Variants in TAF4B observed in about 807,000 individuals in gnomAD.
TAF4B encodes the protein transcription initiation factor TFIID subunit 4B.
A neutral mutation model predicts 86.4 loss-of-function variants in TAF4B; 38 were observed. The ratio of observed to expected loss-of-function variants is 0.44; its 90% CI spans 0.34 to 0.58. The LOEUF is 0.58. Ranked by LOEUF, TAF4B falls within the 20% of genes least tolerant of loss-of-function variation. The pLI, the probability that TAF4B is intolerant of heterozygous loss-of-function variation, is 0.02. For synonymous variants in TAF4B, 388 were observed against 391.2 expected (o/e 0.99, Z 0.10); for missense variants, 988 against 1,027.6 (o/e 0.96, Z 0.53).
chr18:26,321,050 G>T lies in TAF4B; in HGVS notation c.2003-20G>T. 6.2e-7 allele frequency: 1 copy of T among 1,613,150 alleles called. No individual in the cohort carries two copies. Among genetic ancestry groups the T allele is most frequent in the Non-Finnish European group, 8.5e-7 (1 of 1,179,400 alleles). On this transcript the variant is annotated intron_variant, in intron 10 of 14. Transcript: ENST00000269142. ...TCAGCCACTACTAAAACACGTAATG[G>T]ATTTTCTCTGCTTCTGCAGGTAAAA... is the stretch of plus-strand genomic sequence containing the variant.
In TAF4B at chr18:26,310,756, C is replaced by A. The variant is rs72880186; in HGVS notation, c.1833-4473C>A. On this transcript the variant is annotated intron_variant, in intron 9 of 14. Coordinates refer to ENST00000269142, the MANE Select transcript of TAF4B (RefSeq NM_005640.3). The stretch of plus-strand genomic sequence containing the variant: ...GGGTTCCCCTGACTTCTTTATCCCC[C>A]CTATTACCCAGGTTCCCAGCCTAGA... 9.2e-5 allele frequency among the ~76,000 whole-genome samples: 14 copies of A among 152,172 alleles called. No homozygotes were observed. In the South Asian group the frequency reaches 2.5e-3, roughly 27 times the overall value.
Position 26,269,103 on chromosome 18 carries a change from T to C in TAF4B, c.597+1480T>C, listed in dbSNP as rs147744561. On this transcript the variant is annotated intron_variant, in intron 3 of 14. Coordinates refer to ENST00000269142, the MANE Select transcript of TAF4B (RefSeq NM_005640.3). ...TCCCAAAGTCCTGGGATTACAGGCA[T>C]GAGCCACCGCACCCGACTCTTAGTG... is the stretch of plus-strand genomic sequence containing the variant. Among the ~76,000 whole-genome samples, 93 of 152,320 alleles carry C rather than the reference T, an allele frequency of 6.1e-4. No individual in the cohort carries two copies. The East Asian group carries it at 0.017, about 28-fold the overall frequency.
At chr18:26,237,999 A>G (rs975352838) in intron 1 of TAF4B, among the ~76,000 whole-genome samples, 10 of 152,188 alleles carry the variant, frequency 6.6e-5, no homozygotes, top group Non-Finnish European at 2.9e-5. Context: ...CCTGCTGTTC[A>G]GAATAGTTGT....
At chr18:26,301,330 A>G (rs1268661444) in intron 9 of TAF4B, among the ~76,000 whole-genome samples, 1 of 149,756 alleles carries the variant, frequency 6.7e-6, no homozygotes, top group Non-Finnish European at 1.5e-5. Context: ...TCTGTTGCCC[A>G]GGCTGAAGTA....
intron 6 of TAF4B, among the ~76,000 whole-genome samples, chr18:26,282,329 C>T (rs2056460662): frequency 6.6e-6 from 1 of 152,104 alleles, no homozygotes; most frequent in African/African-American, 2.4e-5. Context: ...AGACATACCA[C>T]AGAGGTACTG....
intron 8 of TAF4B, among the ~76,000 whole-genome samples, chr18:26,292,827 A>G (rs1011928498): frequency 1.3e-5 from 2 of 152,178 alleles, no homozygotes; most frequent in Admixed American, 1.3e-4. Flanking sequence ...GTGCCCAGCT[A>G]TGATCACATT....
At chr18:26,367,000 C>G (rs540104796) in intron 14 of TAF4B, among the ~76,000 whole-genome samples, 2 of 152,204 alleles carry the variant, frequency 1.3e-5, no homozygotes, top group South Asian at 4.2e-4. Flanking sequence ...CCCCAAAGTT[C>G]TATAATTAGT....
intron 14 of TAF4B, among the ~76,000 whole-genome samples, chr18:26,374,435 ATGTTGTACCTGTC>A (rs1555626468): frequency 6.6e-6 from 1 of 152,140 alleles, no homozygotes; most frequent in Non-Finnish European, 1.5e-5. Context: ...TTATTCCATA[ATGTTGTACCTGTC>A]TCTTTCTGCC....
intron 10 of TAF4B, among the ~76,000 whole-genome samples, chr18:26,319,554 G>T (rs758684747): frequency 2.0e-5 from 3 of 150,714 alleles, no homozygotes; most frequent in Non-Finnish European, 2.9e-5. Context: ...TTTATAGAAG[G>T]CCCCACTATT....
At chr18:26,253,132 C>T (rs1489490999) in intron 1 of TAF4B, among the ~76,000 whole-genome samples, 1 of 152,104 alleles carries the variant, frequency 6.6e-6, no homozygotes, top group Admixed American at 6.6e-5. Flanking sequence ...TTGTCTCATC[C>T]TTCATCTTAG....
At chr18:26,384,936 A>C (rs919361627) in intron 14 of TAF4B, among the ~76,000 whole-genome samples, 7 of 152,178 alleles carry the variant, frequency 4.6e-5, no homozygotes, top group African/African-American at 1.7e-4. Flanking sequence ...TATGCCGCCT[A>C]GCACAGTTCT....
chr18:26,298,902 C>T lies in TAF4B; in HGVS notation c.1832+5371C>T, dbSNP rs771621766. Among the ~76,000 whole-genome samples, 57 of 121,176 alleles carry T rather than the reference C, an allele frequency of 4.7e-4. 1 individual carries two copies. Among genetic ancestry groups the T allele is most frequent in the Admixed American group, 1.1e-3 (10 of 9,348 alleles). 79.5% of individuals were successfully genotyped at this position (121,176 alleles called of 152,430 possible). On this transcript the variant is annotated intron_variant, in intron 9 of 14. Transcript: ENST00000269142. ...TTGAGATGGAGTTTTGCTCTTGTTG[C>T]CCAGGCTAGAGTGCAATGGTGCAAT...
chr18:26,382,058 T>C (rs1032752646), intron 14 of TAF4B, among the ~76,000 whole-genome samples: 3 of 152,204 alleles, frequency 2.0e-5, no homozygotes, highest in Non-Finnish European at 4.4e-5. Context: ...TGTTAATACA[T>C]TTAAAGATAT....
At chr18:26,268,406 T>A (rs1411974070) in intron 3 of TAF4B, among the ~76,000 whole-genome samples, 1 of 152,154 alleles carries the variant, frequency 6.6e-6, no homozygotes, top group Non-Finnish European at 1.5e-5. Context: ...TGGCACCTGA[T>A]ATTAATTATT....
intron 9 of TAF4B, among the ~76,000 whole-genome samples, chr18:26,307,725 A>G (rs1568143273): frequency 6.6e-6 from 1 of 152,198 alleles, no homozygotes; most frequent in African/African-American, 2.4e-5. Flanking sequence ...ATCAATTTTA[A>G]TGTCCATTTT....
At chr18:26,244,465 A>G (rs111542040) in intron 1 of TAF4B, among the ~76,000 whole-genome samples, 1,732 of 152,270 alleles carry the variant, frequency 0.011, 31 homozygotes, top group African/African-American at 0.04. Context: ...TTTTCCAGGT[A>G]CTGTCTGTCA....
chr18:26,238,629 G>A (rs543255660), intron 1 of TAF4B, among the ~76,000 whole-genome samples: 2 of 151,384 alleles, frequency 1.3e-5, no homozygotes, highest in Non-Finnish European at 2.9e-5. Flanking sequence ...TAGGGTACAT[G>A]TGCACAATGT....
intron 14 of TAF4B, among the ~76,000 whole-genome samples, chr18:26,363,253 AACT>A (rs1396090547): frequency 4.0e-5 from 6 of 150,694 alleles, no homozygotes; most frequent in African/African-American, 1.5e-4. Flanking sequence ...ATGGTGTTTT[AACT>A]TTAAAGGCAT....
At chr18:26,359,865 C>T (rs2057317019) in intron 14 of TAF4B, among the ~76,000 whole-genome samples, 1 of 149,376 alleles carries the variant, frequency 6.7e-6, no homozygotes, top group Non-Finnish European at 1.5e-5. Flanking sequence ...TACAGGCACA[C>T]ACCACCATGC....
Sources: allele counts gnomAD v4.1 joint callset (sites outside exome capture counted in the v4.1 genomes callset), GRCh38; gene constraint gnomAD v4.1.1; transcripts MANE v1.5; gene names NCBI Gene and HGNC (gene_info 2026-07-23, HGNC 2026-07-21).